Variants in AGBL4 observed in about 807,000 individuals in gnomAD.
AGBL4 encodes the protein AGBL carboxypeptidase 4, also known as cytosolic carboxypeptidase 6.
A neutral mutation model predicts 66.4 loss-of-function variants in AGBL4; 58 were observed. The observed-to-expected ratio is 0.87, with a 90% CI of 0.71 to 1.09. AGBL4 has a LOEUF of 1.09. AGBL4 is among the 50% of genes least tolerant of loss of function. AGBL4 has a pLI of 0.00. For missense variants in AGBL4, 579 were observed against 631.0 expected (o/e 0.92, Z 0.88); for synonymous variants, 234 against 222.9 (o/e 1.05, Z -0.44).
chr1:49,324,621 C>G (rs1240633163), intron 3 of AGBL4, among the ~76,000 whole-genome samples: 1 of 152,220 alleles, frequency 6.6e-6, no homozygotes, highest in Non-Finnish European at 1.5e-5. Context: ...AAGCAGGTAT[C>G]TAGGAGTGAC....
At chr1:49,167,521 G>C (rs1354281757) in intron 4 of AGBL4, among the ~76,000 whole-genome samples, 1 of 152,168 alleles carries the variant, frequency 6.6e-6, no homozygotes, top group Non-Finnish European at 1.5e-5. Context: ...CTAGGTCTTT[G>C]AGCTCTATAA....
intron 4 of AGBL4, among the ~76,000 whole-genome samples, chr1:49,058,051 GTAAGA>G (rs1019704579): frequency 6.6e-6 from 1 of 152,174 alleles, no homozygotes; most frequent in Non-Finnish European, 1.5e-5. Context: ...TGTTCCATGA[GTAAGA>G]TTTTGCCCAA....
At chr1:49,519,013 C>G (rs1424468803) in intron 3 of AGBL4, among the ~76,000 whole-genome samples, 1 of 152,012 alleles carries the variant, frequency 6.6e-6, no homozygotes, top group Non-Finnish European at 1.5e-5. Flanking sequence ...ATTATTTGCT[C>G]TACTAAAAAT....
intron 6 of AGBL4, among the ~76,000 whole-genome samples, chr1:48,697,162 G>T (rs890364263): frequency 6.6e-6 from 1 of 152,128 alleles, no homozygotes; most frequent in African/African-American, 2.4e-5. Context: ...AAGACAGAAG[G>T]TTGTCTAAGC....
intron 2 of AGBL4, among the ~76,000 whole-genome samples, chr1:49,748,134 T>C (rs530803644): frequency 6.6e-6 from 1 of 152,182 alleles, no homozygotes; most frequent in East Asian, 1.9e-4. Context: ...CTACATTAGG[T>C]ATTTCTCCTA....
chr1:49,908,595 A>G (rs1650506122), intron 1 of AGBL4, among the ~76,000 whole-genome samples: 1 of 152,016 alleles, frequency 6.6e-6, no homozygotes, highest in African/African-American at 2.4e-5. Flanking sequence ...TTTCTTTATA[A>G]ATTACCCATG....
At chr1:48,867,119 A>G (rs1648175013) in intron 6 of AGBL4, 72 bp downstream of exon 6, 4 of 1,532,152 alleles carry the variant, frequency 2.6e-6, no homozygotes, top group Non-Finnish European at 3.6e-6. Flanking sequence ...CAAGAATTGC[A>G]TTTGGATAGG....
At chr1:48,781,279 G>A (rs1356843126) in intron 6 of AGBL4, among the ~76,000 whole-genome samples, 2 of 152,192 alleles carry the variant, frequency 1.3e-5, no homozygotes, top group African/African-American at 4.8e-5. Flanking sequence ...AGTCATGACT[G>A]GCACGGGATG....
intron 4 of AGBL4, among the ~76,000 whole-genome samples, chr1:49,197,973 T>C (rs894781912): frequency 1.3e-5 from 2 of 152,184 alleles, no homozygotes; most frequent in Non-Finnish European, 2.9e-5. Flanking sequence ...CAGCTTGTTA[T>C]GAGCTGAGAT....
intron 3 of AGBL4, among the ~76,000 whole-genome samples, chr1:49,439,703 C>A (rs1361657109): frequency 2.6e-5 from 4 of 152,086 alleles, no homozygotes; most frequent in Admixed American, 2.6e-4. Context: ...GGCAGAAAAA[C>A]GTGAAAAGAA....
intron 5 of AGBL4, among the ~76,000 whole-genome samples, chr1:49,024,318 T>C (rs147627066): frequency 3.3e-5 from 5 of 152,254 alleles, no homozygotes; most frequent in Non-Finnish European, 7.4e-5. Flanking sequence ...CTAGATGTCT[T>C]TCCAATCTTT....
chr1:48,656,351 C>T (rs1646020478), intron 7 of AGBL4, among the ~76,000 whole-genome samples: 1 of 152,182 alleles, frequency 6.6e-6, no homozygotes, highest in Admixed American at 6.5e-5. Context: ...TGGATTGCTC[C>T]AGGAATTCAT....
chr1:49,479,197 AATC>A (rs1646904007), intron 3 of AGBL4, among the ~76,000 whole-genome samples: 1 of 152,074 alleles, frequency 6.6e-6, no homozygotes. Context: ...AATATACAAA[AATC>A]AGTTGCATTT....
chr1:49,644,313 TA>T (rs1391046070), intron 3 of AGBL4, among the ~76,000 whole-genome samples: 1 of 151,326 alleles, frequency 6.6e-6, no homozygotes, highest in Admixed American at 6.6e-5. Flanking sequence ...CAAATAATTA[TA>T]AAAAAATGCA....
rs566183341 is a variant in AGBL4 at position 48,725,816 on chromosome 1, G to A, written c.635-62575C>T. Reference sequence around the variant, plus strand: ...CCATGTACACAACAGAGGCCAAACCGTCTCAGCCTAATTAGTGTGTGAAGC... The same window carrying A: ...CCATGTACACAACAGAGGCCAAACCATCTCAGCCTAATTAGTGTGTGAAGC... On this transcript the variant is annotated intron_variant, in intron 6 of 13. Coordinates refer to ENST00000371839, the MANE Select transcript of AGBL4 (RefSeq NM_032785.4). 6.6e-5 allele frequency among the ~76,000 whole-genome samples: 10 copies of A among 152,262 alleles called. 1 individual carries two copies. The highest frequency in any genetic ancestry group is 2.4e-4 in the African/African-American group (10 of 41,556).
chr1:48,846,098 G>A (rs1189526460), intron 6 of AGBL4, among the ~76,000 whole-genome samples: 2 of 152,100 alleles, frequency 1.3e-5, no homozygotes, highest in Non-Finnish European at 2.9e-5. Context: ...GTTATCAGCA[G>A]TGTGAGAGCC....
intron 2 of AGBL4, among the ~76,000 whole-genome samples, chr1:49,834,306 C>G (rs1645785065): frequency 6.6e-6 from 1 of 152,134 alleles, no homozygotes; most frequent in Non-Finnish European, 1.5e-5. Flanking sequence ...CTGGTTTAGT[C>G]TTGGGAGGGT....
Position 49,119,925 on chromosome 1 carries a change from A to G in AGBL4, c.378-74125T>C, listed in dbSNP as rs1020281721. On this transcript the variant is annotated intron_variant, in intron 4 of 13. Transcript: ENST00000371839. Reference sequence around the variant, plus strand: ...TTCTTATTGAATTGATCCCTTTATTATTATGTAATGGCCTTCTTTGTCTCT... The same window carrying G: ...TTCTTATTGAATTGATCCCTTTATTGTTATGTAATGGCCTTCTTTGTCTCT... 3.9e-5 allele frequency among the ~76,000 whole-genome samples: 6 copies of G among 152,222 alleles called. No individual in the cohort carries two copies. The East Asian group carries it at 1.2e-3, about 29-fold the overall frequency.
chr1:50,021,686 A>G (rs1196261209), intron 1 of AGBL4, among the ~76,000 whole-genome samples: 1 of 151,972 alleles, frequency 6.6e-6, no homozygotes, highest in African/African-American at 2.4e-5. Context: ...AGGTCTCTCT[A>G]TATGCATTCT....
Sources: gnomAD v4.1 joint callset for allele counts (sites outside exome capture counted in the v4.1 genomes callset) on GRCh38, gnomAD v4.1.1 for gene constraint, MANE v1.5 for transcripts, NCBI Gene and HGNC (gene_info 2026-07-23, HGNC 2026-07-21) for gene names.